SOX6: variants seen among roughly 807,000 people sequenced by gnomAD.
The protein encoded by SOX6 is SRY-box transcription factor 6.
In SOX6, 11 loss-of-function variants were observed where a neutral mutation model predicts 97.8. The observed-to-expected ratio is 0.11, with a 90% CI of 0.07 to 0.19. The LOEUF is 0.19. Among genes scored for constraint, SOX6 ranks in the 10% least tolerant of loss-of-function variants. The pLI is 1.00. For synonymous variants in SOX6, 360 were observed against 371.4 expected (o/e 0.97, Z 0.35); for missense variants, 810 against 1,039.5 (o/e 0.78, Z 3.04).
chr11:16,506,724 C>T (rs1860793656), intron 4 of SOX6, among the ~76,000 whole-genome samples: 1 of 152,072 alleles, frequency 6.6e-6, no homozygotes, highest in African/African-American at 2.4e-5. Context: ...GGATTTCCCC[C>T]TTGATGTTCT....
At chr11:16,183,136 A>G (rs1458797311) in intron 6 of SOX6, among the ~76,000 whole-genome samples, 1 of 151,838 alleles carries the variant, frequency 6.6e-6, no homozygotes, top group Non-Finnish European at 1.5e-5. Flanking sequence ...TCACACACCT[A>G]TATTTCTATT....
At chr11:16,579,160 A>G (rs1251004372) in intron 4 of SOX6, among the ~76,000 whole-genome samples, 2 of 152,100 alleles carry the variant, frequency 1.3e-5, no homozygotes, top group Non-Finnish European at 2.9e-5. Context: ...ACATGAACAC[A>G]TAGCAACACT....
intron 4 of SOX6, among the ~76,000 whole-genome samples, chr11:16,481,563 T>C (rs1860344067): frequency 6.6e-6 from 1 of 152,142 alleles, no homozygotes; most frequent in Admixed American, 6.5e-5. Context: ...ATTCATGTAT[T>C]CCATGCTGCT....
rs1857054814 is a variant in SOX6 at position 16,355,775 on chromosome 11, T to A, written c.-5+319A>T. Among the ~76,000 whole-genome samples the A allele has an allele frequency of 1.3e-5, 2 of 152,052 alleles. 1 individual carries two copies. The highest frequency in any genetic ancestry group is 4.1e-4 in the South Asian group (2 of 4,828). On this transcript the variant is annotated intron_variant, in intron 1 of 15. Transcript: ENST00000683767. ...TAGGGAATCTATGATTCCTCATAGA[T>A]AATAGTACTCAGGACCTTAGATTAT...
intron 1 of SOX6, among the ~76,000 whole-genome samples, chr11:16,414,487 AACTGAGTGCCT>A (rs991822449): frequency 6.6e-6 from 1 of 152,188 alleles, no homozygotes; most frequent in African/African-American, 2.4e-5. Context: ...AGTAATTATA[AACTGAGTGCCT>A]ACTGAATAAT....
chr11:16,166,161 AT>A (rs200490004), intron 6 of SOX6, among the ~76,000 whole-genome samples: 61 of 151,300 alleles, frequency 4.0e-4, no homozygotes, highest in African/African-American at 1.3e-3. Flanking sequence ...AATTTAAGTG[AT>A]TTTTTTTTAA....
intron 6 of SOX6, among the ~76,000 whole-genome samples, chr11:16,150,290 C>T (rs1388840872): frequency 1.3e-5 from 2 of 152,146 alleles, no homozygotes; most frequent in Non-Finnish European, 2.9e-5. Flanking sequence ...GACAAATCTT[C>T]CAGGCCAAAA....
intron 9 of SOX6, among the ~76,000 whole-genome samples, chr11:16,073,517 A>T (rs1848272949): frequency 6.6e-6 from 1 of 152,180 alleles, no homozygotes; most frequent in Non-Finnish European, 1.5e-5. Flanking sequence ...CCCCACTGAC[A>T]GTATTAGACA....
intron 3 of SOX6, among the ~76,000 whole-genome samples, chr11:16,257,602 T>G (rs1381901733): frequency 4.6e-5 from 7 of 151,830 alleles, no homozygotes; most frequent in Admixed American, 2.6e-4. Context: ...ACTAAAAAAT[T>G]TCTAGAGATA....
chr11:16,291,483 G>T (rs113975477), intron 3 of SOX6, among the ~76,000 whole-genome samples: 1 of 151,872 alleles, frequency 6.6e-6, no homozygotes, highest in Admixed American at 6.6e-5. Context: ...ACACCATTAC[G>T]TTTTTTGTTG....
At chr11:16,392,709 A>G (rs926846523) in intron 1 of SOX6, among the ~76,000 whole-genome samples, 10 of 152,112 alleles carry the variant, frequency 6.6e-5, no homozygotes, top group African/African-American at 2.4e-4. Context: ...GGTGAAGTCT[A>G]AAGTTCTTAC....
chr11:16,295,934 C>T (rs936553541), intron 3 of SOX6, among the ~76,000 whole-genome samples: 2 of 151,964 alleles, frequency 1.3e-5, no homozygotes, highest in African/African-American at 4.8e-5. Flanking sequence ...CTTAAACTAC[C>T]AACAGGCTAT....
intron 4 of SOX6, among the ~76,000 whole-genome samples, chr11:16,549,621 A>AT (rs988864167): frequency 6.6e-6 from 1 of 152,226 alleles, no homozygotes; most frequent in African/African-American, 2.4e-5. Context: ...AAATGAAAAC[A>AT]TATGTCCACA....
intron 3 of SOX6, among the ~76,000 whole-genome samples, chr11:16,644,393 C>A (rs1035279205): frequency 6.6e-6 from 1 of 152,154 alleles, no homozygotes; most frequent in Admixed American, 6.5e-5. Flanking sequence ...CACCTAGCAA[C>A]AAAGTAGGCT....
intron 3 of SOX6, among the ~76,000 whole-genome samples, chr11:16,298,803 C>T (rs923133457): frequency 6.6e-6 from 1 of 151,876 alleles, no homozygotes; most frequent in African/African-American, 2.4e-5. Context: ...TTAGTAGCAG[C>T]CTGCTCATTA....
At chr11:16,643,356 G>A (rs1848956190) in intron 3 of SOX6, among the ~76,000 whole-genome samples, 2 of 152,332 alleles carry the variant, frequency 1.3e-5, no homozygotes, top group Admixed American at 6.5e-5. Flanking sequence ...GGCTACTCAG[G>A]GGTCAGGGAC....
At chr11:16,243,257 T>C (rs949253052) in intron 3 of SOX6, among the ~76,000 whole-genome samples, 1 of 151,960 alleles carries the variant, frequency 6.6e-6, no homozygotes, top group Non-Finnish European at 1.5e-5. Context: ...ATGACTCCTT[T>C]TACATCTACC....
At chr11:16,455,110 T>A (rs545965579) in intron 1 of SOX6, among the ~76,000 whole-genome samples, 1 of 152,030 alleles carries the variant, frequency 6.6e-6, no homozygotes, top group African/African-American at 2.4e-5. Context: ...TTAATAAAAA[T>A]ATAATACTTA....
rs869172397 is a variant in SOX6 at position 16,565,721 on chromosome 11, TAAAAAAAAAAAAAAAAA to T, written n.609+46343_609+46359del. Among the ~76,000 whole-genome samples the T allele has an allele frequency of 3.5e-3, 23 of 6,482 alleles. 1 individual carries two copies. Among genetic ancestry groups the T allele is most frequent in the African/African-American group, 0.011 (21 of 1,842 alleles). 4.3% of individuals were successfully genotyped at this position (6,482 alleles called of 152,430 possible). A position where few individuals can be genotyped will look rare whatever the true frequency, so the allele number is the denominator to read the frequency against. On this transcript the variant is annotated intron_variant and non_coding_transcript_variant, in intron 4 of 5. Transcript: ENST00000524520. The stretch of plus-strand genomic sequence containing the variant: ...AAAAATAAAAAAATAAATAAATAAA[TAAAAAAAAAAAAAAAAA>T]AAAAAAAAAAAAAAAAAAAACTCGT...
Sources: allele counts gnomAD v4.1 joint callset (sites outside exome capture counted in the v4.1 genomes callset), GRCh38; gene constraint gnomAD v4.1.1; transcripts MANE v1.5; gene names NCBI Gene and HGNC (gene_info 2026-07-23, HGNC 2026-07-21).